ARL15: variants seen among roughly 807,000 people sequenced by gnomAD.
ARL15 encodes ARF like GTPase 15.
In ARL15, 19 loss-of-function variants were observed where a neutral mutation model predicts 25.2. That is an observed-to-expected ratio of 0.75 (90% confidence interval 0.53 to 1.10). ARL15 has a LOEUF of 1.10. Among genes scored for constraint, ARL15 ranks in the 50% least tolerant of loss-of-function variants. ARL15 has a pLI of 0.00. For synonymous variants in ARL15, 94 were observed against 86.8 expected (o/e 1.08, Z -0.46); for missense variants, 220 against 246.0 (o/e 0.89, Z 0.71).
intron 1 of ARL15, among the ~76,000 whole-genome samples, chr5:54,254,250 T>C (rs1158336396): frequency 6.6e-6 from 1 of 152,206 alleles, no homozygotes; most frequent in East Asian, 1.9e-4. Flanking sequence ...GTTAAGAAGA[T>C]TGTTGTCAAT....
chr5:53,988,994 T>A (rs1748392228), intron 4 of ARL15, among the ~76,000 whole-genome samples: 1 of 152,190 alleles, frequency 6.6e-6, no homozygotes, highest in African/African-American at 2.4e-5. Context: ...GAGTTTTGGT[T>A]TCCTTATCTG....
intron 1 of ARL15, among the ~76,000 whole-genome samples, chr5:54,195,908 C>A (rs1221042743): frequency 6.6e-6 from 1 of 152,072 alleles, no homozygotes; most frequent in Non-Finnish European, 1.5e-5. Context: ...GAATCAAGCC[C>A]AGAAATCTGG....
At chr5:54,065,154 A>G (rs6867281) in intron 4 of ARL15, among the ~76,000 whole-genome samples, 43,945 of 152,152 alleles carry the variant, frequency 0.29, 8,666 homozygotes, top group African/African-American at 0.56. Flanking sequence ...GCAAAATAAA[A>G]GAGTTTTAAT....
At chr5:54,131,278 G>C (rs1313330109) in intron 3 of ARL15, among the ~76,000 whole-genome samples, 1 of 152,166 alleles carries the variant, frequency 6.6e-6, no homozygotes, top group Non-Finnish European at 1.5e-5. Flanking sequence ...TTCTAACCTT[G>C]AATCTTTTCA....
At position 54,192,863 on chromosome 5, in the gene ARL15, C is replaced by G. The variant is rs561751354; in HGVS notation, c.49-20935G>C. On this transcript the variant is annotated intron_variant, in intron 1 of 4. Coordinates refer to ENST00000504924, the MANE Select transcript of ARL15 (RefSeq NM_019087.3). ...AGTTAGATCAGAACACACAGATAAC[C>G]ATTGTATCTGGAAATATGGAGGATA... Among the ~76,000 whole-genome samples, 13 of 152,228 alleles carry G rather than the reference C, an allele frequency of 8.5e-5. No individual in the cohort carries two copies. In the South Asian group the frequency reaches 2.7e-3, roughly 32 times the overall value.
intron 1 of ARL15, among the ~76,000 whole-genome samples, chr5:54,275,354 C>T (rs751944713): frequency 1.3e-5 from 2 of 152,210 alleles, no homozygotes; most frequent in Non-Finnish European, 2.9e-5. Context: ...GTCTTGGAGG[C>T]TTACTAGAGT....
At chr5:54,276,011 C>T (rs977312068) in intron 1 of ARL15, among the ~76,000 whole-genome samples, 9 of 152,072 alleles carry the variant, frequency 5.9e-5, no homozygotes, top group African/African-American at 2.2e-4. Context: ...TGGGCTCAGC[C>T]TCCTGAGTAG....
At chr5:53,940,727 G>A (rs891811817) in intron 4 of ARL15, among the ~76,000 whole-genome samples, 1 of 152,144 alleles carries the variant, frequency 6.6e-6, no homozygotes, top group African/African-American at 2.4e-5. Context: ...AACTTCTAGA[G>A]CTTTTATGTT....
At chr5:54,128,394 A>G (rs563136406) in intron 3 of ARL15, among the ~76,000 whole-genome samples, 37 of 152,294 alleles carry the variant, frequency 2.4e-4, no homozygotes, top group African/African-American at 8.7e-4. Context: ...TGGATATTTT[A>G]GGTAGCTAAT....
At chr5:54,048,021 G>GT (rs1168384133) in intron 4 of ARL15, 1 of 152,178 alleles carries the variant, frequency 6.6e-6, no homozygotes, top group African/African-American at 2.4e-5. Flanking sequence ...AGGGGGTAAA[G>GT]TTATGTTGCC....
intron 4 of ARL15, among the ~76,000 whole-genome samples, chr5:54,071,638 C>T (rs1751426795): frequency 6.6e-6 from 1 of 151,566 alleles, no homozygotes; most frequent in South Asian, 2.1e-4. Flanking sequence ...TCAGAACCTC[C>T]TACTGAACTG....
intron 4 of ARL15, among the ~76,000 whole-genome samples, chr5:53,978,297 TC>T (rs765930867): frequency 7.2e-4 from 110 of 152,258 alleles, no homozygotes; most frequent in Non-Finnish European, 2.5e-4. Context: ...AATAGTGGTA[TC>T]TGTATGTATG....
At chr5:54,152,726 A>G (rs547487958) in intron 3 of ARL15, among the ~76,000 whole-genome samples, 8 of 152,346 alleles carry the variant, frequency 5.3e-5, no homozygotes, top group Non-Finnish European at 7.4e-5. Flanking sequence ...CGAAATAGGT[A>G]CCAACTAAAA....
At chr5:53,898,956 T>C (rs915326057) in intron 4 of ARL15, among the ~76,000 whole-genome samples, 6 of 152,162 alleles carry the variant, frequency 3.9e-5, no homozygotes, top group Admixed American at 6.5e-5. Context: ...ACCCAGCCCC[T>C]TTTTATTTCT....
chr5:54,129,425 A>G (rs1354206680), intron 3 of ARL15, among the ~76,000 whole-genome samples: 1 of 152,234 alleles, frequency 6.6e-6, no homozygotes, highest in African/African-American at 2.4e-5. Context: ...TGGAAGAGAG[A>G]GAGAATCTGC....
intron 1 of ARL15, among the ~76,000 whole-genome samples, chr5:54,294,279 A>G (rs1758412944): frequency 6.6e-6 from 1 of 152,230 alleles, no homozygotes; most frequent in South Asian, 2.1e-4. Flanking sequence ...GTTGAAACAC[A>G]ACCACAGCCA....
At chr5:54,071,510 T>TTCCC (rs1751417503) in intron 4 of ARL15, among the ~76,000 whole-genome samples, 9 of 64,048 alleles carry the variant, frequency 1.4e-4, no homozygotes, top group Non-Finnish European at 2.0e-4. Flanking sequence ...CCACCGCCTT[T>TTCCC]CCCCCCCCCC....
chr5:54,151,344 A>T, intron 3 of ARL15, among the ~76,000 whole-genome samples: 1 of 151,992 alleles, frequency 6.6e-6, no homozygotes, highest in Non-Finnish European at 1.5e-5. Context: ...TCTGCACTTA[A>T]TTTTTTTCCC....
At chr5:54,270,652 A>G (rs913394137) in intron 1 of ARL15, among the ~76,000 whole-genome samples, 3 of 152,184 alleles carry the variant, frequency 2.0e-5, no homozygotes, top group African/African-American at 7.2e-5. Flanking sequence ...GGCCCTTCTA[A>G]AGGAAGCACA....
Sources: gnomAD v4.1 joint callset for allele counts (sites outside exome capture counted in the v4.1 genomes callset) on GRCh38, gnomAD v4.1.1 for gene constraint, MANE v1.5 for transcripts, NCBI Gene and HGNC (gene_info 2026-07-23, HGNC 2026-07-21) for gene names.